The following ZDHHC23 variants were observed in gnomAD, a reference collection of about 807,000 sequenced individuals.
ZDHHC23 encodes the protein zDHHC palmitoyltransferase 23, also known as palmitoyltransferase ZDHHC23.
In ZDHHC23, 41 loss-of-function variants were observed where a neutral mutation model predicts 40.2. The observed-to-expected ratio is 1.02, with a 90% CI of 0.79 to 1.32. ZDHHC23 has a LOEUF of 1.32. Among genes scored for constraint, ZDHHC23 ranks in the 40% most tolerant of loss-of-function variants. ZDHHC23 has a pLI of 0.00. For synonymous variants in ZDHHC23, 204 were observed against 210.2 expected (o/e 0.97, Z 0.26); for missense variants, 471 against 541.5 (o/e 0.87, Z 1.29).
At chr3:113,964,899 A>G, downstream of ZDHHC23, 1 of 281,286 alleles carries the variant, frequency 3.6e-6, no homozygotes, top group Non-Finnish European at 6.6e-6. Flanking sequence ...TGCTAAAAAT[A>G]TATAGGATAT....
chr3:113,964,312 CA>C (rs1939894404), downstream of ZDHHC23: 1 of 152,128 alleles, frequency 6.6e-6, no homozygotes, highest in Non-Finnish European at 1.5e-5. Flanking sequence ...ATTTTTCTAG[CA>C]GGTAATTCTC....
At chr3:113,951,892 CTT>C (rs1379397184) in intron 2 of ZDHHC23, among the ~76,000 whole-genome samples, 2 of 152,214 alleles carry the variant, frequency 1.3e-5, no homozygotes, top group Non-Finnish European at 2.9e-5. Context: ...AATCCCAGCA[CTT>C]TGGGAAGCCC....
the ZDHHC23 span, chr3:113,979,050 T>G: frequency 6.4e-7 from 1 of 1,562,920 alleles, no homozygotes. Flanking sequence ...TTCCTTAAAT[T>G]TTAAATCATT....
At chr3:113,965,362 TTAAGA>T, downstream of ZDHHC23, 1 of 1,549,792 alleles carries the variant, frequency 6.5e-7, no homozygotes, top group Non-Finnish European at 8.7e-7. Flanking sequence ...GGATCCTCCT[TTAAGA>T]ATAAAGAAGG....
chr3:113,978,144 G>A, the ZDHHC23 span: 1 of 1,606,778 alleles, frequency 6.2e-7, no homozygotes, highest in African/African-American at 1.3e-5. Flanking sequence ...CTGAGCAATT[G>A]TGAAGTCAGA....
Position 113,959,959 on chromosome 3 carries a change from T to C in ZDHHC23, c.*1329T>C. ...TTATGTACAATGGGTTGTTCTACTA[T>C]AGAATTAAGATGAGGGAATTTCAGA... On this transcript the variant is annotated 3_prime_UTR_variant, in exon 5 of 5. Coordinates refer to ENST00000638807, the MANE Select transcript of ZDHHC23 (RefSeq NM_001320466.2). 11 of 992,402 alleles carry C rather than the reference T, an allele frequency of 1.1e-5. No individual in the cohort carries two copies. The highest frequency in any genetic ancestry group is 1.3e-5 in the Non-Finnish European group (11 of 832,746). 61.5% of individuals were successfully genotyped at this position (992,402 alleles called of 1,614,324 possible).
downstream of ZDHHC23, among the ~76,000 whole-genome samples, chr3:113,969,097 C>T (rs747350255): frequency 2.0e-5 from 3 of 152,086 alleles, no homozygotes; most frequent in South Asian, 2.1e-4. Context: ...CCAGCTCTTC[C>T]GTAACTAATA....
At chr3:113,951,093 G>A (rs888111611) in intron 2 of ZDHHC23, among the ~76,000 whole-genome samples, 3 of 152,204 alleles carry the variant, frequency 2.0e-5, no homozygotes, top group Admixed American at 1.3e-4. Context: ...CAGCTCTCAT[G>A]GGTTGGAGTT....
At chr3:113,954,527 A>G (rs1330982629) in intron 3 of ZDHHC23, 117 bp downstream of exon 3, 1 of 989,644 alleles carries the variant, frequency 1.0e-6, no homozygotes, top group Non-Finnish European at 1.4e-6. Flanking sequence ...TACACCTTGT[A>G]GATATTTGTG....
At chr3:113,956,221 T>C in intron 3 of ZDHHC23, 118 bp from the exon 4 acceptor site, 3 of 1,162,770 alleles carry the variant, frequency 2.6e-6, no homozygotes, top group Non-Finnish European at 3.6e-6. Context: ...CACTTTAGCC[T>C]GAACTACAGA....
the ZDHHC23 span, among the ~76,000 whole-genome samples, chr3:113,973,537 TTCTC>T: frequency 2.0e-5 from 3 of 152,144 alleles, no homozygotes; most frequent in South Asian, 2.1e-4. Context: ...GAGAAAAACT[TTCTC>T]TATCCTTCAT....
rs1939234036 is a variant in ZDHHC23, at chr3:113,956,455, G to T, written c.989G>T (p.Arg330Ile). Residue 330 changes from arginine to isoleucine, a missense_variant, in exon 4 of 5, where the codon AGA (arginine) becomes ATA (isoleucine). By Grantham distance (97) the Arg-to-Ile change is moderately conservative. This residue lies in a region of ZDHHC23 where 346 missense variants were observed against 399.8 expected (regional missense o/e 0.87). Transcript: ENST00000638807. Reference sequence around the variant, plus strand: ...ACCTTGGACACCATTTGTAGAGACAGAAGTGTCTTCACAGCTCTTTTCTAT... The same window carrying T: ...ACCTTGGACACCATTTGTAGAGACATAAGTGTCTTCACAGCTCTTTTCTAT... The part of the protein sequence containing the change: ...TLTLDTICRD[R>I]SVFTALFYCP... 1.2e-6 allele frequency: 2 copies of T among 1,614,086 alleles called. No individual in the cohort carries two copies. The highest frequency in any genetic ancestry group is 2.7e-5 in the African/African-American group (2 of 74,938).
the ZDHHC23 span, chr3:113,979,114 G>A: frequency 1.9e-5 from 20 of 1,045,422 alleles, no homozygotes; most frequent in East Asian, 5.2e-5. Flanking sequence ...TTAGGCAGTC[G>A]GTAGAGAATA....
At position 113,958,982 on chromosome 3, in the gene ZDHHC23, T is replaced by G. The variant is rs1939492824; in HGVS notation, c.*352T>G. The G allele has an allele frequency of 8.5e-7, 1 of 1,175,880 alleles. No individual in the cohort carries two copies. The highest frequency in any genetic ancestry group is 1.6e-5 in the African/African-American group (1 of 62,060). The allele number at this position is 1,175,880 out of a possible 1,614,324, so 72.8% of individuals were successfully genotyped here. On this transcript the variant is annotated 3_prime_UTR_variant, in exon 5 of 5. Transcript: ENST00000638807. ...ATTAGGATAGTTTCTAGTCCCTCTTTCGATTCTTAATAGCCATGTGACCCC... is the reference window on the plus strand; with the variant it reads ...ATTAGGATAGTTTCTAGTCCCTCTTGCGATTCTTAATAGCCATGTGACCCC...
chr3:113,951,873 C>T (rs535046506), intron 2 of ZDHHC23, among the ~76,000 whole-genome samples: 1 of 152,222 alleles, frequency 6.6e-6, no homozygotes, highest in Non-Finnish European at 1.5e-5. Flanking sequence ...CGCGGTGACT[C>T]ACACCTGTAA....
chr3:113,976,478 A>ACAT, the ZDHHC23 span, among the ~76,000 whole-genome samples: 1 of 152,108 alleles, frequency 6.6e-6, no homozygotes, highest in African/African-American at 2.4e-5. Flanking sequence ...GGAAATAATG[A>ACAT]CATCTCCCCA....
At chr3:113,978,086 A>T in the ZDHHC23 span, 1 of 1,357,048 alleles carries the variant, frequency 7.4e-7, no homozygotes, top group Non-Finnish European at 1.0e-6. Flanking sequence ...CCGCTCTCCT[A>T]GCCTCCAGCT....
chr3:113,965,372 A>G, downstream of ZDHHC23: 1 of 1,526,840 alleles, frequency 6.5e-7, no homozygotes, highest in Non-Finnish European at 8.8e-7. Flanking sequence ...TTAAGAATAA[A>G]GAAGGAAAAA....
chr3:113,959,849 A>ACTGTT lies in ZDHHC23; in HGVS notation c.*1222_*1226dup. On this transcript the variant is annotated 3_prime_UTR_variant, in exon 5 of 5. Transcript: ENST00000638807. ...ATGTGGTTTCCACTATTAATGGATTACTGTTCTTCCCTGGCTCTTCCGACA... is the reference window on the plus strand; with the variant it reads ...ATGTGGTTTCCACTATTAATGGATTACTGTTCTGTTCTTCCCTGGCTCTTCCGACA... The ACTGTT allele has an allele frequency of 9.9e-7, 1 of 1,012,174 alleles. No homozygotes were observed. 62.7% of individuals were successfully genotyped at this position (1,012,174 alleles called of 1,614,324 possible). A position where few individuals can be genotyped will look rare whatever the true frequency, so the allele number is the denominator to read the frequency against.
Sources: gnomAD v4.1 joint callset for allele counts (sites outside exome capture counted in the v4.1 genomes callset) on GRCh38, gnomAD v4.1.1 for gene constraint, gnomAD v4.1.1 regional missense constraint, MANE v1.5 for transcripts, NCBI Gene and HGNC (gene_info 2026-07-23, HGNC 2026-07-21) for gene names.